The following PIEZO2 variants were observed in gnomAD, a reference collection of about 807,000 sequenced individuals.
PIEZO2 encodes piezo-type mechanosensitive ion channel component 2.
A neutral mutation model predicts 337.3 loss-of-function variants in PIEZO2; 172 were observed. The observed-to-expected ratio is 0.51, with a 90% confidence interval of 0.45 to 0.58. The LOEUF is 0.58. Ranked by LOEUF, PIEZO2 falls within the 20% of genes least tolerant of loss-of-function variation. The probability of loss-of-function intolerance (pLI) is 0.00; values close to 1 mark genes in which losing one functional copy is unlikely to be tolerated. For synonymous variants in PIEZO2, 1,251 were observed against 1,228.5 expected (o/e 1.02, Z -0.38); for missense variants, 3,028 against 3,391.3 (o/e 0.89, Z 2.66).
chr18:11,014,090 G>A (rs2660269), intron 2 of PIEZO2, among the ~76,000 whole-genome samples: 47,061 of 152,170 alleles, frequency 0.31, 7,628 homozygotes, highest in Non-Finnish European at 0.36. Context: ...AGCATCTGCT[G>A]AGCGTTACAG....
At chr18:10,801,631 GA>G (rs1197492983) in intron 9 of PIEZO2, among the ~76,000 whole-genome samples, 1 of 145,020 alleles carries the variant, frequency 6.9e-6, no homozygotes, top group Non-Finnish European at 1.5e-5. Flanking sequence ...CACAGCTCTT[GA>G]TGTTAATGTT....
intron 3 of PIEZO2, among the ~76,000 whole-genome samples, chr18:10,921,308 C>T (rs1248606095): frequency 6.6e-6 from 1 of 152,026 alleles, no homozygotes; most frequent in Non-Finnish European, 1.5e-5. Flanking sequence ...AAGTTAGGGA[C>T]CCCAAACAGA....
At chr18:10,990,747 A>AT (rs10594197) in intron 2 of PIEZO2, among the ~76,000 whole-genome samples, 3 of 150,386 alleles carry the variant, frequency 2.0e-5, no homozygotes, top group African/African-American at 7.3e-5. Context: ...AAGTTACATT[A>AT]TTTTTTTTTC....
rs552951155 is a variant in PIEZO2 at position 10,952,307 on chromosome 18, A to T, written c.286+27228T>A. Among the ~76,000 whole-genome samples, 4 of 152,302 alleles carry T rather than the reference A, an allele frequency of 2.6e-5. No individual in the cohort carries two copies. Among genetic ancestry groups the T allele is most frequent in the African/African-American group, 9.6e-5 (4 of 41,570 alleles). On this transcript the variant is annotated intron_variant, in intron 3 of 55. Coordinates refer to ENST00000674853, the MANE Select transcript of PIEZO2 (RefSeq NM_001378183.1). The surrounding 1 kb of genome is among the most constrained non-coding windows in gnomAD (Gnocchi z 4.1). ...CAATTTCTTACAAATCCATACAGTC[A>T]TTTAACTACCACTACTGTCAAAATG...
chr18:11,139,672 T>C (rs993051415), intron 1 of PIEZO2, among the ~76,000 whole-genome samples: 1 of 152,202 alleles, frequency 6.6e-6, no homozygotes, highest in African/African-American at 2.4e-5. Flanking sequence ...ATGAAGACAC[T>C]TGTTACTCAA....
rs1361478035 is a variant in PIEZO2 at position 10,967,602 on chromosome 18, G to A, written c.286+11933C>T. ...ATTGTTTCCTTTTTAGCACATCCATGCCAACATCTATTTTTTTTTATTATG... is the reference window on the plus strand; with the variant it reads ...ATTGTTTCCTTTTTAGCACATCCATACCAACATCTATTTTTTTTTATTATG... On this transcript the variant is annotated intron_variant, in intron 3 of 55. Coordinates refer to ENST00000674853, the MANE Select transcript of PIEZO2 (RefSeq NM_001378183.1). Among the ~76,000 whole-genome samples the A allele has an allele frequency of 3.3e-5, 5 of 152,180 alleles. No homozygotes were observed. In the South Asian group the frequency reaches 6.2e-4, roughly 19 times the overall value.
At position 10,903,896 on chromosome 18, in the gene PIEZO2, C is replaced by T. The variant is rs2043112134; in HGVS notation, c.329+7290G>A. 6.6e-6 allele frequency among the ~76,000 whole-genome samples: 1 copy of T among 152,178 alleles called. No individual in the cohort carries two copies. Among genetic ancestry groups the T allele is most frequent in the African/African-American group, 2.4e-5 (1 of 41,436 alleles). On this transcript the variant is annotated intron_variant, in intron 4 of 55. Transcript: ENST00000674853. The surrounding 1 kb of genome is among the most constrained non-coding windows in gnomAD (Gnocchi z 4.1). Reference sequence around the variant, plus strand: ...CTCCCATCCCTGTCCCCCAACTATGCAGCCAGGCCTTGCCTCAACCTCACA... The same window carrying T: ...CTCCCATCCCTGTCCCCCAACTATGTAGCCAGGCCTTGCCTCAACCTCACA...
At position 10,750,204 on chromosome 18, in the gene PIEZO2, G is replaced by A. The variant is rs751837631; in HGVS notation, c.4168-17C>T. 2.0e-5 allele frequency: 31 copies of A among 1,517,354 alleles called. No individual in the cohort carries two copies. The African/African-American group carries it at 3.7e-4, about 18-fold the overall frequency. 94.0% of individuals were successfully genotyped at this position (1,517,354 alleles called of 1,614,324 possible). On this transcript the variant is annotated splice_polypyrimidine_tract_variant and intron_variant, in intron 28 of 55. Coordinates refer to ENST00000674853, the MANE Select transcript of PIEZO2 (RefSeq NM_001378183.1). This position sits in a 1 kb window ranked among gnomAD's most constrained non-coding sequence, Gnocchi z 4.1. ...TGCTCCTATCTGAAAAACAAAAGAG[G>A]GGGATAATCCTGAAGCTCTGCAGCC...
Position 11,149,531 on chromosome 18 carries a change from C to T in PIEZO2, c.-943G>A, listed in dbSNP as rs1236321473. Among the ~76,000 whole-genome samples, 4 of 151,766 alleles carry T rather than the reference C, an allele frequency of 2.6e-5. No individual in the cohort carries two copies. Among genetic ancestry groups the T allele is most frequent in the African/African-American group, 7.3e-5 (3 of 41,354 alleles). ...TTGCAGCCTCGCCCTCGCGGCGCAG[C>T]CGGGGCTCCCCGGCGGCGCGCGCTT... On this transcript the variant is annotated 5_prime_UTR_variant, in exon 1 of 56. Transcript: ENST00000674853. This position sits in a 1 kb window ranked among gnomAD's most constrained non-coding sequence, Gnocchi z 8.7.
chr18:11,051,376 G>GGTGTGTGTGTGGGTGTGT (rs1568330551), intron 2 of PIEZO2, among the ~76,000 whole-genome samples: 1 of 108,566 alleles, frequency 9.2e-6, no homozygotes, highest in Non-Finnish European at 2.1e-5. Flanking sequence ...TGTGGGTGTG[G>GGTGTGTGTGTGGGTGTGT]GTGTGGGTGT....
In PIEZO2 at chr18:10,902,922, T is replaced by C. The variant is rs73943059; in HGVS notation, c.329+8264A>G. Among the ~76,000 whole-genome samples the C allele has an allele frequency of 6.5e-3, 994 of 152,318 alleles. 10 individuals carry two copies. The highest frequency in any genetic ancestry group is 0.023 in the African/African-American group (964 of 41,568). On this transcript the variant is annotated intron_variant, in intron 4 of 55. Coordinates refer to ENST00000674853, the MANE Select transcript of PIEZO2 (RefSeq NM_001378183.1). ...TCTAGGAAGCTTCTGCAGAACCCTA[T>C]GCAATGTGCCTCGAATTGTCCAAGG...
chr18:11,037,466 A>G (rs2145791704), intron 2 of PIEZO2, among the ~76,000 whole-genome samples: 1 of 152,376 alleles, frequency 6.6e-6, no homozygotes, highest in South Asian at 2.1e-4. Flanking sequence ...GAAGAAAAAT[A>G]CAATTCAGTT....
At chr18:10,800,882 T>C (rs8092699) in intron 10 of PIEZO2, among the ~76,000 whole-genome samples, 3,607 of 152,312 alleles carry the variant, frequency 0.024, 140 homozygotes, top group African/African-American at 0.083. Flanking sequence ...TCTTGGGCTG[T>C]GGTCCAACAT....
chr18:11,098,824 G>T (rs562265223), intron 1 of PIEZO2, among the ~76,000 whole-genome samples: 1 of 151,604 alleles, frequency 6.6e-6, no homozygotes, highest in African/African-American at 2.4e-5. Context: ...TTGAGACAGG[G>T]TCTTACTCTG....
rs2034004141 is a variant in PIEZO2 at position 10,676,446 on chromosome 18, C to T, written c.8082-1158G>A. On this transcript the variant is annotated intron_variant, in intron 53 of 55. Transcript: ENST00000674853. This position sits in a 1 kb window ranked among gnomAD's most constrained non-coding sequence, Gnocchi z 5.1. Reference sequence around the variant, plus strand: ...AGTTCATATATTAGAATCTAAACATCTCAGCTTTCATCTGTTGGAAGTGGA... The same window carrying T: ...AGTTCATATATTAGAATCTAAACATTTCAGCTTTCATCTGTTGGAAGTGGA... Among the ~76,000 whole-genome samples, 1 of 152,158 alleles carries T rather than the reference C, an allele frequency of 6.6e-6. No individual in the cohort carries two copies. The highest frequency in any genetic ancestry group is 1.5e-5 in the Non-Finnish European group (1 of 68,028).
chr18:11,023,113 G>A (rs2036376081), intron 2 of PIEZO2, among the ~76,000 whole-genome samples: 1 of 152,154 alleles, frequency 6.6e-6, no homozygotes, highest in South Asian at 2.1e-4. Flanking sequence ...CCCAAAGACT[G>A]AGCAGCAGCA....
In PIEZO2 at chr18:10,682,620, G is replaced by C. The variant is rs921661437; in HGVS notation, c.7498-328C>G. 1.3e-5 allele frequency among the ~76,000 whole-genome samples: 2 copies of C among 152,130 alleles called. No individual in the cohort carries two copies. Among genetic ancestry groups the C allele is most frequent in the African/African-American group, 4.8e-5 (2 of 41,404 alleles). On this transcript the variant is annotated intron_variant, in intron 49 of 55. Transcript: ENST00000674853. This position sits in a 1 kb window ranked among gnomAD's most constrained non-coding sequence, Gnocchi z 5.6. ...CCTGGACCAAGGGATCAAGTATCCG[G>C]CCGAATGAACCTTCTGGTTTTAAGG...
chr18:11,079,921 C>A (rs2038679483), intron 1 of PIEZO2, among the ~76,000 whole-genome samples: 1 of 152,154 alleles, frequency 6.6e-6, no homozygotes, highest in South Asian at 2.1e-4. Flanking sequence ...GAACGATGTT[C>A]ACAATGCAAC....
intron 4 of PIEZO2, among the ~76,000 whole-genome samples, chr18:10,881,506 C>T (rs1209302591): frequency 6.6e-6 from 1 of 152,190 alleles, no homozygotes; most frequent in Non-Finnish European, 1.5e-5. Context: ...TGCCTTTATG[C>T]ACTCTGCTCC....
Sources: gnomAD v4.1 joint callset for allele counts (sites outside exome capture counted in the v4.1 genomes callset) on GRCh38, gnomAD v4.1.1 for gene constraint, Gnocchi (gnomAD v3.1) non-coding constraint, MANE v1.5 for transcripts, NCBI Gene and HGNC (gene_info 2026-07-23, HGNC 2026-07-21) for gene names.